Variants in PRRX1 observed in about 807,000 individuals in gnomAD.
The protein encoded by PRRX1 is paired mesoderm homeobox protein 1.
PRRX1 carries 8 observed loss-of-function variants against 24.0 expected under a neutral mutation model. The ratio of observed to expected loss-of-function variants is 0.33; its 90% CI spans 0.20 to 0.60. The LOEUF (loss-of-function observed/expected upper bound fraction) is 0.60, where lower values mean the gene tolerates loss of function less well. Among genes scored for constraint, PRRX1 ranks in the 20% least tolerant of loss-of-function variants. The pLI, the probability that PRRX1 is intolerant of heterozygous loss-of-function variation, is 0.82. For missense variants in PRRX1, 281 were observed against 322.4 expected (o/e 0.87, Z 0.98); for synonymous variants, 160 against 131.7 (o/e 1.22, Z -1.47).
intron 1 of PRRX1, among the ~76,000 whole-genome samples, chr1:170,688,000 C>A (rs1468841382): frequency 6.6e-6 from 1 of 152,114 alleles, no homozygotes. Context: ...AGCTAATCAT[C>A]AAGAATATTT....
chr1:170,727,754 A>G (rs1337419629), intron 3 of PRRX1: 1 of 152,162 alleles, frequency 6.6e-6, no homozygotes, highest in Non-Finnish European at 1.5e-5. Flanking sequence ...CATCTAGGAA[A>G]GTCTTATTCT....
intron 1 of PRRX1, among the ~76,000 whole-genome samples, chr1:170,670,362 C>T (rs995904897): frequency 6.6e-6 from 1 of 152,210 alleles, no homozygotes. Context: ...ACCCAACAGT[C>T]TCAAACAGCA....
chr1:170,735,638 G>A (rs927922286), intron 3 of PRRX1, among the ~76,000 whole-genome samples: 2 of 152,156 alleles, frequency 1.3e-5, no homozygotes, highest in Non-Finnish European at 2.9e-5. Flanking sequence ...ATTTTCAAAT[G>A]CTTGTTTCTA....
intron 1 of PRRX1, among the ~76,000 whole-genome samples, chr1:170,695,363 G>T (rs76087661): frequency 0.012 from 1,813 of 152,248 alleles, 19 homozygotes; most frequent in Non-Finnish European, 0.017. Flanking sequence ...TAAACGAGAT[G>T]CTATTTTAAT....
Position 170,719,856 on chromosome 1 carries a change from A to T in PRRX1, c.372A>T (p.Arg124=). The change falls in exon 2 of 4, where the codon CGA becomes CGT. Residue 124 remains arginine (R), a synonymous_variant. Coordinates refer to ENST00000239461, the MANE Select transcript of PRRX1 (RefSeq NM_022716.4). ...ERTHYPDAFV[R]EDLARRVNLT... The stretch of plus-strand genomic sequence containing the variant: ...CACACTATCCTGATGCTTTTGTGCG[A>T]GAAGACCTTGCCCGCCGGGTGAACC... 1 of 1,614,188 alleles carries T rather than the reference A, an allele frequency of 6.2e-7. No individual in the cohort carries two copies. Among genetic ancestry groups the T allele is most frequent in the Non-Finnish European group, 8.5e-7 (1 of 1,180,028 alleles).
chr1:170,728,028 C>A (rs1655312099), intron 3 of PRRX1: 1 of 152,136 alleles, frequency 6.6e-6, no homozygotes. Context: ...GGTTCAAAGC[C>A]TGATGCTTCA....
intron 1 of PRRX1, among the ~76,000 whole-genome samples, chr1:170,702,018 G>T (rs149779380): frequency 7.3e-4 from 111 of 152,210 alleles, no homozygotes; most frequent in African/African-American, 2.6e-3. Context: ...GGCGGGGGGA[G>T]GGGGCGAGAA....
chr1:170,727,381 T>C (rs1302393899), intron 3 of PRRX1: 1 of 152,206 alleles, frequency 6.6e-6, no homozygotes, highest in African/African-American at 2.4e-5. Context: ...AGGCCAAGCC[T>C]ACGTGTTCTC....
At chr1:170,671,635 A>C (rs977846238) in intron 1 of PRRX1, among the ~76,000 whole-genome samples, 1 of 152,210 alleles carries the variant, frequency 6.6e-6, no homozygotes, top group Non-Finnish European at 1.5e-5. Context: ...TAGTTTGATG[A>C]CACTTCAGGG....
chr1:170,676,873 C>T (rs982202309), intron 1 of PRRX1, among the ~76,000 whole-genome samples: 3 of 152,020 alleles, frequency 2.0e-5, no homozygotes, highest in South Asian at 4.1e-4. Context: ...TTTTAAATTC[C>T]TCTGGTTCAT....
intron 1 of PRRX1, among the ~76,000 whole-genome samples, chr1:170,718,066 A>T (rs1654963020): frequency 1.3e-5 from 2 of 152,206 alleles, no homozygotes; most frequent in Non-Finnish European, 2.9e-5. Flanking sequence ...CAAAACCATG[A>T]AGCAGAGAGA....
Position 170,719,853 on chromosome 1 carries a change from G to A in PRRX1, c.369G>A (p.Val123=). 1 of 1,614,186 alleles carries A rather than the reference G, an allele frequency of 6.2e-7. No homozygotes were observed. ...GGACACACTATCCTGATGCTTTTGT[G>A]CGAGAAGACCTTGCCCGCCGGGTGA... ...FERTHYPDAF[V]REDLARRVNL... Residue 123 remains valine (V), a synonymous_variant, in exon 2 of 4, where the codon GTG becomes GTA. Coordinates refer to ENST00000239461, the MANE Select transcript of PRRX1 (RefSeq NM_022716.4).
At chr1:170,683,646 A>G (rs1019694087) in intron 1 of PRRX1, among the ~76,000 whole-genome samples, 2 of 152,226 alleles carry the variant, frequency 1.3e-5, no homozygotes, top group Admixed American at 1.3e-4. Context: ...GTTAGAGTCT[A>G]TAATTCAGGT....
intron 1 of PRRX1, among the ~76,000 whole-genome samples, chr1:170,686,646 G>A (rs1653753361): frequency 6.6e-6 from 1 of 152,152 alleles, no homozygotes; most frequent in African/African-American, 2.4e-5. Context: ...TTGTGCAGTC[G>A]ATTCCATGAG....
chr1:170,683,667 AT>A (rs1409296607), intron 1 of PRRX1, among the ~76,000 whole-genome samples: 1 of 152,146 alleles, frequency 6.6e-6, no homozygotes, highest in African/African-American at 2.4e-5. Flanking sequence ...ACTGCCTTTA[AT>A]TTTCCCAGAA....
chr1:170,732,218 G>A (rs2101926612), intron 3 of PRRX1, among the ~76,000 whole-genome samples: 1 of 152,314 alleles, frequency 6.6e-6, no homozygotes. Context: ...TAAATTGGTT[G>A]AAAACAGTTA....
intron 1 of PRRX1, among the ~76,000 whole-genome samples, chr1:170,685,015 TG>T (rs931689699): frequency 8.5e-5 from 13 of 152,220 alleles, no homozygotes; most frequent in African/African-American, 3.1e-4. Flanking sequence ...AACTGAAGCT[TG>T]GAACAAGAAA....
At chr1:170,733,384 T>C (rs1342026623) in intron 3 of PRRX1, among the ~76,000 whole-genome samples, 1 of 152,156 alleles carries the variant, frequency 6.6e-6, no homozygotes, top group African/African-American at 2.4e-5. Flanking sequence ...AAAGGGCACA[T>C]TTCTGTTACA....
At chr1:170,666,343 G>A (rs192412467) in intron 1 of PRRX1, among the ~76,000 whole-genome samples, 19 of 146,660 alleles carry the variant, frequency 1.3e-4, no homozygotes, top group African/African-American at 4.5e-4. Context: ...GCTTAAACCC[G>A]GGAAGCAGAG....
Sources: gnomAD v4.1 joint callset for allele counts (sites outside exome capture counted in the v4.1 genomes callset) on GRCh38, gnomAD v4.1.1 for gene constraint, MANE v1.5 for transcripts, NCBI Gene and HGNC (gene_info 2026-07-23, HGNC 2026-07-21) for gene names.